Variants in ACKR2 observed in about 807,000 individuals in gnomAD.
The protein encoded by ACKR2 is C-C chemokine receptor D6.
For synonymous variants in ACKR2, 207 were observed against 192.2 expected (o/e 1.08, Z -0.64); for missense variants, 457 against 477.3 (o/e 0.96, Z 0.40).
intron 2 of ACKR2, among the ~76,000 whole-genome samples, chr3:42,846,697 C>T (rs1005752795): frequency 6.6e-6 from 1 of 152,140 alleles, no homozygotes; most frequent in Admixed American, 6.5e-5. Flanking sequence ...GTGGTGGAGT[C>T]TTTGTATAAG....
intron 2 of ACKR2, among the ~76,000 whole-genome samples, chr3:42,858,176 A>G (rs2088342813): frequency 6.6e-6 from 1 of 152,336 alleles, no homozygotes; most frequent in Admixed American, 6.5e-5. Context: ...AGCTCTGCTA[A>G]GGGACAGACT....
rs536867684 is a variant in ACKR2, at chr3:42,837,176, G to A, written c.-38+17465G>A. ...GGCCAAAGGCCTGAGAAGCAGGGGG[G>A]CCACTGGTATTAAGTCCTGGAGTCC... On this transcript the variant is annotated intron_variant, in intron 2 of 2. Coordinates refer to ENST00000422265, the MANE Select transcript of ACKR2 (RefSeq NM_001296.5). Among the ~76,000 whole-genome samples, 199 of 152,222 alleles carry A rather than the reference G, an allele frequency of 1.3e-3. 1 individual carries two copies. The highest frequency in any genetic ancestry group is 4.5e-3 in the African/African-American group (188 of 41,552).
chr3:42,863,623 A>G (rs1177542702), intron 2 of ACKR2, among the ~76,000 whole-genome samples: 1 of 152,248 alleles, frequency 6.6e-6, no homozygotes, highest in Non-Finnish European at 1.5e-5. Flanking sequence ...ATGCCCATCA[A>G]TGATAGACTG....
chr3:42,840,833 G>A (rs1277324380), intron 2 of ACKR2, among the ~76,000 whole-genome samples: 2 of 152,160 alleles, frequency 1.3e-5, no homozygotes, highest in Admixed American at 6.5e-5. Flanking sequence ...GATTACAGGC[G>A]CATGCCACCA....
At chr3:42,819,484 GGC>G in intron 1 of ACKR2, 145 bp from the exon 2 acceptor site, 1 of 145,874 alleles carries the variant, frequency 6.9e-6, no homozygotes, top group Non-Finnish European at 1.5e-5. Flanking sequence ...ACTGTTTCCT[GGC>G]TCTTTCCAGT....
intron 2 of ACKR2, among the ~76,000 whole-genome samples, chr3:42,857,211 A>C (rs980918485): frequency 5.9e-5 from 9 of 152,164 alleles, no homozygotes; most frequent in African/African-American, 2.2e-4. Flanking sequence ...TTTTATTAAA[A>C]GAGTATCTTG....
intron 1 of ACKR2, among the ~76,000 whole-genome samples, chr3:42,814,966 C>A (rs1408832892): frequency 6.6e-6 from 1 of 152,144 alleles, no homozygotes; most frequent in Non-Finnish European, 1.5e-5. Flanking sequence ...AGAATAGAGG[C>A]AGACTCTGGG....
intron 1 of ACKR2, among the ~76,000 whole-genome samples, chr3:42,817,683 A>T (rs1700766595): frequency 6.6e-6 from 1 of 152,028 alleles, no homozygotes; most frequent in Non-Finnish European, 1.5e-5. Flanking sequence ...AGTTTAGGAG[A>T]AAAAAGTGTA....
chr3:42,820,482 A>G (rs1338088277), intron 2 of ACKR2, among the ~76,000 whole-genome samples: 1 of 151,176 alleles, frequency 6.6e-6, no homozygotes, highest in South Asian at 2.1e-4. Context: ...AGTCCCAGCT[A>G]TTCTGGAGGC....
intron 2 of ACKR2, among the ~76,000 whole-genome samples, chr3:42,820,009 G>GTTTT (rs1700794063): frequency 6.6e-6 from 1 of 152,186 alleles, no homozygotes; most frequent in Non-Finnish European, 1.5e-5. Context: ...CTGCAAACAG[G>GTTTT]TTTTTATTGG....
chr3:42,838,470 GA>G (rs1701005433), intron 2 of ACKR2, among the ~76,000 whole-genome samples: 1 of 152,128 alleles, frequency 6.6e-6, no homozygotes, highest in African/African-American at 2.4e-5. Context: ...AGTTCATAAG[GA>G]AATGCAAACT....
intron 1 of ACKR2, among the ~76,000 whole-genome samples, chr3:42,810,790 T>C (rs1032579622): frequency 8.5e-5 from 13 of 152,360 alleles, no homozygotes; most frequent in African/African-American, 2.6e-4. Flanking sequence ...TAAAATTGCT[T>C]CATTAAAAAT....
intron 2 of ACKR2, among the ~76,000 whole-genome samples, chr3:42,850,723 G>A (rs1050490235): frequency 2.0e-5 from 3 of 152,146 alleles, no homozygotes; most frequent in African/African-American, 7.2e-5. Flanking sequence ...GCCTGTCCCT[G>A]GGCTCTGGGT....
At chr3:42,840,395 G>C (rs62247899) in intron 2 of ACKR2, among the ~76,000 whole-genome samples, 7,739 of 152,224 alleles carry the variant, frequency 0.051, 232 homozygotes, top group South Asian at 0.12. Context: ...TGGTGGGAGG[G>C]ATAGGAAGCA....
chr3:42,814,726 AC>A, intron 1 of ACKR2, among the ~76,000 whole-genome samples: 1 of 152,330 alleles, frequency 6.6e-6, no homozygotes, highest in South Asian at 2.1e-4. Context: ...GAACTTAAAG[AC>A]TCAGTCCCTG....
chr3:42,827,697 G>A (rs1253424941), intron 2 of ACKR2, among the ~76,000 whole-genome samples: 1 of 152,116 alleles, frequency 6.6e-6, no homozygotes, highest in Non-Finnish European at 1.5e-5. Context: ...ATTTGACCAA[G>A]TGCCAAGATG....
intron 2 of ACKR2, among the ~76,000 whole-genome samples, chr3:42,836,568 T>G (rs1181629097): frequency 6.6e-6 from 1 of 152,236 alleles, no homozygotes; most frequent in East Asian, 1.9e-4. Flanking sequence ...TGTGGCGTTC[T>G]GTTGACCATT....
rs142218666 is a variant in ACKR2 at position 42,827,205 on chromosome 3, G to T, written c.-38+7494G>T. On this transcript the variant is annotated intron_variant, in intron 2 of 2. Coordinates refer to ENST00000422265, the MANE Select transcript of ACKR2 (RefSeq NM_001296.5). Reference sequence around the variant, plus strand: ...AACATGTATTTTGCAGTTGTTGGGTGGAGTGTCTTACTTATATCAGTTTTA... The same window carrying T: ...AACATGTATTTTGCAGTTGTTGGGTTGAGTGTCTTACTTATATCAGTTTTA... 7.3e-3 allele frequency among the ~76,000 whole-genome samples: 1,112 copies of T among 152,278 alleles called. 12 individuals are homozygous for T. Among genetic ancestry groups the T allele is most frequent in the African/African-American group, 0.025 (1,040 of 41,554 alleles).
intron 2 of ACKR2, among the ~76,000 whole-genome samples, chr3:42,828,424 T>C (rs1303945996): frequency 1.3e-5 from 2 of 152,156 alleles, no homozygotes; most frequent in African/African-American, 4.8e-5. Context: ...TTGCATTATA[T>C]TTTGATTTCA....
Sources: gnomAD v4.1 joint callset for allele counts (sites outside exome capture counted in the v4.1 genomes callset) on GRCh38, gnomAD v4.1.1 for gene constraint, MANE v1.5 for transcripts, NCBI Gene and HGNC (gene_info 2026-07-23, HGNC 2026-07-21) for gene names.